The following RABGAP1 variants were observed in gnomAD, a reference collection of about 807,000 sequenced individuals.
RABGAP1 encodes RAB GTPase activating protein 1.
RABGAP1 carries 23 observed loss-of-function variants against 137.6 expected under a neutral mutation model. The observed-to-expected ratio is 0.17, with a 90% CI of 0.12 to 0.24. The LOEUF (loss-of-function observed/expected upper bound fraction) is 0.24, where lower values mean the gene tolerates loss of function less well. RABGAP1 is among the 10% of genes least tolerant of loss of function. The pLI is 1.00. For synonymous variants in RABGAP1, 451 were observed against 450.7 expected, an observed-to-expected ratio of 1.00 and a Z score of -0.01; for missense variants, 906 against 1,275.8, an observed-to-expected ratio of 0.71 and a Z score of 4.42.
At chr9:122,995,745 T>A (rs1456451025) in intron 6 of RABGAP1, among the ~76,000 whole-genome samples, 1 of 152,028 alleles carries the variant, frequency 6.6e-6, no homozygotes, top group Admixed American at 6.6e-5. Flanking sequence ...ATTTTTGTAT[T>A]TTTAACAGAG....
chr9:123,070,499 G>C lies in RABGAP1; in HGVS notation c.1983+75G>C. 6.2e-7 allele frequency: 1 copy of C among 1,605,848 alleles called. No homozygotes were observed. ...TATACTAACCTTAGGCTTGAGCATGGTTTTATATTGGGTTTGGACAGACTC... is the reference window on the plus strand; with the variant it reads ...TATACTAACCTTAGGCTTGAGCATGCTTTTATATTGGGTTTGGACAGACTC... On this transcript the variant is annotated intron_variant, in intron 15 of 25. Transcript: ENST00000373647. The surrounding 1 kb of genome is among the most constrained non-coding windows in gnomAD (Gnocchi z 4.4).
At chr9:123,091,219 A>G (rs183734396) in intron 21 of RABGAP1, among the ~76,000 whole-genome samples, 176 of 152,112 alleles carry the variant, frequency 1.2e-3, no homozygotes, top group Admixed American at 2.9e-3. Flanking sequence ...TTACCTTTCT[A>G]CTCATTGGTT....
At chr9:122,954,153 G>C (rs2110442) in intron 1 of RABGAP1, among the ~76,000 whole-genome samples, 2 of 152,172 alleles carry the variant, frequency 1.3e-5, no homozygotes, top group African/African-American at 4.8e-5. Context: ...GGATTAAAAA[G>C]AAATCCCTTA....
chr9:123,018,047 G>T (rs1044721271), intron 12 of RABGAP1, among the ~76,000 whole-genome samples: 33 of 152,304 alleles, frequency 2.2e-4, no homozygotes, highest in Admixed American at 2.2e-3. Flanking sequence ...AGGCTGGAGT[G>T]CAGTGGCGCG....
chr9:122,988,624 G>T (rs1053466274), intron 4 of RABGAP1, among the ~76,000 whole-genome samples: 1 of 151,362 alleles, frequency 6.6e-6, no homozygotes, highest in Non-Finnish European at 1.5e-5. Context: ...TTTCATAACA[G>T]ATTAGGTCAT....
intron 1 of RABGAP1, among the ~76,000 whole-genome samples, chr9:122,951,451 C>A (rs1380971262): frequency 6.6e-6 from 1 of 151,672 alleles, no homozygotes; most frequent in African/African-American, 2.4e-5. Context: ...AAAAAGTAAA[C>A]ACTGATTGTT....
chr9:122,967,210 C>T (rs1440275961), intron 2 of RABGAP1, among the ~76,000 whole-genome samples: 1 of 152,028 alleles, frequency 6.6e-6, no homozygotes, highest in African/African-American at 2.4e-5. Flanking sequence ...TGGGGATCCT[C>T]AAGAATAATG....
chr9:123,094,847 T>G (rs1176244181), intron 21 of RABGAP1, among the ~76,000 whole-genome samples: 1 of 152,194 alleles, frequency 6.6e-6, no homozygotes, highest in Non-Finnish European at 1.5e-5. Context: ...TTCGTGTGTC[T>G]GTTGTTATAA....
In RABGAP1 at chr9:123,070,409, T is replaced by C. The variant is rs1298734032; in HGVS notation, c.1968T>C (p.Ala656=). 5 of 1,614,016 alleles carry C rather than the reference T, an allele frequency of 3.1e-6. No homozygotes were observed. The highest frequency in any genetic ancestry group is 4.2e-6 in the Non-Finnish European group (5 of 1,180,002). The part of the protein sequence containing the change: ...GYCQGQSFLA[A]VLLLHMPEEQ... The stretch of plus-strand genomic sequence containing the variant: ...GCCAGGGCCAGTCATTTCTTGCTGC[T>C]GTGCTCCTTCTCCATGTGAGTAATT... Residue 656 remains alanine (A), a synonymous_variant, in exon 15 of 26, where the codon GCT becomes GCC. Coordinates refer to ENST00000373647, the MANE Select transcript of RABGAP1 (RefSeq NM_012197.4). This position sits in a 1 kb window ranked among gnomAD's most constrained non-coding sequence, Gnocchi z 4.4.
At chr9:122,985,537 C>T (rs1231220996) in intron 3 of RABGAP1, among the ~76,000 whole-genome samples, 2 of 143,638 alleles carry the variant, frequency 1.4e-5, no homozygotes, top group African/African-American at 2.6e-5. Flanking sequence ...TGCTTGAAAC[C>T]AGGAGGTGGA....
intron 12 of RABGAP1, among the ~76,000 whole-genome samples, chr9:123,019,430 T>C (rs1188770532): frequency 6.6e-6 from 1 of 151,902 alleles, no homozygotes; most frequent in East Asian, 1.9e-4. Flanking sequence ...TCAAGCGATC[T>C]TCTTGCCTCA....
At chr9:123,069,968 G>T (rs1162459398) in intron 14 of RABGAP1, among the ~76,000 whole-genome samples, 1 of 152,204 alleles carries the variant, frequency 6.6e-6, no homozygotes, top group Non-Finnish European at 1.5e-5. Context: ...GAGAAGAGAG[G>T]AATTCATTCT....
At chr9:123,078,994 C>T (rs2034611660) in intron 19 of RABGAP1, among the ~76,000 whole-genome samples, 1 of 152,102 alleles carries the variant, frequency 6.6e-6, no homozygotes, top group South Asian at 2.1e-4. Flanking sequence ...GTTTTTTATG[C>T]ATTCTTAAAT....
intron 2 of RABGAP1, 46 bp from the exon 3 acceptor site, chr9:122,984,439 G>A (rs1380189754): frequency 1.3e-6 from 2 of 1,513,730 alleles, no homozygotes; most frequent in African/African-American, 1.4e-5. Flanking sequence ...ATCAATACTG[G>A]CCAATCTTTG....
intron 13 of RABGAP1, among the ~76,000 whole-genome samples, chr9:123,021,330 C>CT (rs397944903): frequency 0.11 from 11,985 of 111,876 alleles, 2,295 homozygotes; most frequent in African/African-American, 0.38. Flanking sequence ...GAAGAGCAGG[C>CT]TTTTTTTTTT....
chr9:123,046,658 T>A (rs1022444021), intron 13 of RABGAP1, among the ~76,000 whole-genome samples: 3 of 152,234 alleles, frequency 2.0e-5, no homozygotes, highest in East Asian at 3.8e-4. Flanking sequence ...CAGTAAGCAC[T>A]CAGTACATGT....
chr9:123,089,034 A>AT (rs1304291941), intron 19 of RABGAP1, among the ~76,000 whole-genome samples: 2 of 152,044 alleles, frequency 1.3e-5, no homozygotes, highest in East Asian at 3.9e-4. Context: ...GGAGGTGAAG[A>AT]TATAGGCCTG....
chr9:122,986,820 C>A (rs1406953011), intron 4 of RABGAP1, among the ~76,000 whole-genome samples: 1 of 151,898 alleles, frequency 6.6e-6, no homozygotes, highest in African/African-American at 2.4e-5. Flanking sequence ...ACCAGCACAC[C>A]CCTTAATTTT....
intron 2 of RABGAP1, among the ~76,000 whole-genome samples, chr9:122,971,295 G>T (rs892782730): frequency 6.6e-6 from 1 of 152,152 alleles, no homozygotes; most frequent in Non-Finnish European, 1.5e-5. Context: ...AATTTACACT[G>T]CTTGTATGTT....
Sources: allele counts gnomAD v4.1 joint callset (sites outside exome capture counted in the v4.1 genomes callset), GRCh38; gene constraint gnomAD v4.1.1; non-coding constraint Gnocchi (gnomAD v3.1); transcripts MANE v1.5; gene names NCBI Gene and HGNC (gene_info 2026-07-23, HGNC 2026-07-21).